The following TMEM9B variants were observed in gnomAD, a reference collection of about 807,000 sequenced individuals.
The protein encoded by TMEM9B is TMEM9 domain family member B.
Under a neutral mutation model 23.5 loss-of-function variants are expected in TMEM9B, and 8 were observed. That is an observed-to-expected ratio of 0.34 (90% CI 0.20 to 0.61). TMEM9B has a LOEUF of 0.61. TMEM9B is among the 20% of genes least tolerant of loss of function. TMEM9B has a pLI of 0.78. For missense variants in TMEM9B, 197 were observed against 252.3 expected (o/e 0.78, Z 1.49); for synonymous variants, 106 against 96.3 (o/e 1.10, Z -0.59).
At chr11:8,964,105 T>G (rs1854137745) in intron 1 of TMEM9B, 104 bp downstream of exon 1, 4 of 1,160,116 alleles carry the variant, frequency 3.4e-6, no homozygotes, top group Non-Finnish European at 4.8e-6. Context: ...GCCAGGCGTA[T>G]GGCTGTCAGG....
intron 4 of TMEM9B, chr11:8,952,971 C>T (rs1853911325): frequency 1.6e-6 from 1 of 619,272 alleles, no homozygotes; most frequent in East Asian, 2.7e-5. Flanking sequence ...GAAAGCAAGG[C>T]CCTGTATAGC....
chr11:8,962,766 A>C (rs764871752), intron 1 of TMEM9B: 4 of 152,270 alleles, frequency 2.6e-5, no homozygotes, highest in African/African-American at 9.6e-5. Context: ...TCTTCCCAGG[A>C]AACTTTGCTT....
chr11:8,949,889 ATTT>A (rs11476286), intron 4 of TMEM9B, among the ~76,000 whole-genome samples: 2,912 of 137,374 alleles, frequency 0.021, 66 homozygotes, highest in East Asian at 0.088. Flanking sequence ...CATGAACTTA[ATTT>A]TTTTTTTTTT....
chr11:8,959,796 C>T (rs1012057616), intron 2 of TMEM9B, among the ~76,000 whole-genome samples: 2 of 152,116 alleles, frequency 1.3e-5, no homozygotes, highest in African/African-American at 4.8e-5. Context: ...TTTAAATCAC[C>T]CCAAACACAA....
intron 2 of TMEM9B, among the ~76,000 whole-genome samples, chr11:8,960,685 T>TC (rs1854061539): frequency 7.1e-6 from 1 of 140,704 alleles, no homozygotes; most frequent in African/African-American, 2.6e-5. Context: ...TTGAACATTC[T>TC]TTTTTTTTTT....
In TMEM9B at chr11:8,952,247, T is replaced by TACACAC. The variant is rs760980883; in HGVS notation, c.441+955_441+956insGTGTGT. Among the ~76,000 whole-genome samples the TACACAC allele has an allele frequency of 0.015, 567 of 38,976 alleles. 7 individuals carry two copies. In the East Asian group the frequency reaches 0.22, roughly 15 times the overall value. 25.6% of individuals were successfully genotyped at this position (38,976 alleles called of 152,430 possible). The stretch of plus-strand genomic sequence containing the variant: ...CAATTTATACAGATTATGCCAACTA[T>TACACAC]ATACACACACACACACACACACACA... On this transcript the variant is annotated intron_variant, in intron 4 of 4. Transcript: ENST00000534025.
intron 2 of TMEM9B, among the ~76,000 whole-genome samples, chr11:8,960,750 C>T (rs1183304918): frequency 3.3e-5 from 5 of 151,140 alleles, no homozygotes; most frequent in African/African-American, 4.9e-5. Flanking sequence ...GGCGCGATCT[C>T]GGCTCACTGC....
chr11:8,951,065 A>G (rs984819282), intron 4 of TMEM9B, among the ~76,000 whole-genome samples: 2 of 152,232 alleles, frequency 1.3e-5, no homozygotes, highest in Admixed American at 1.3e-4. Context: ...CAAATAGTCA[A>G]TACACAAGCA....
chr11:8,948,647 C>T (rs1853820803), intron 4 of TMEM9B, among the ~76,000 whole-genome samples, 172 bp from the exon 5 acceptor site: 1 of 152,110 alleles, frequency 6.6e-6, no homozygotes, highest in South Asian at 2.1e-4. Flanking sequence ...AGTATGAACT[C>T]AAGTACAGAC....
chr11:8,961,490 C>G (rs1193970090), intron 2 of TMEM9B, among the ~76,000 whole-genome samples: 1 of 152,238 alleles, frequency 6.6e-6, no homozygotes, highest in Non-Finnish European at 1.5e-5. Context: ...CTGGGATAAG[C>G]AGAGAAGGCT....
intron 2 of TMEM9B, among the ~76,000 whole-genome samples, chr11:8,959,612 A>G (rs900223812): frequency 4.6e-5 from 7 of 152,356 alleles, no homozygotes; most frequent in Non-Finnish European, 8.8e-5. Context: ...ATATATTTTA[A>G]TAACAAAAAG....
intron 2 of TMEM9B, among the ~76,000 whole-genome samples, chr11:8,960,695 T>G (rs1437120728): frequency 6.6e-6 from 1 of 152,022 alleles, no homozygotes; most frequent in East Asian, 1.9e-4. Context: ...TTTTTTTTTT[T>G]TTTTGAGCTA....
At position 8,952,931 on chromosome 11, in the gene TMEM9B, G is replaced by A. The variant is rs1370558033; in HGVS notation, c.441+272C>T. 8.7e-6 allele frequency: 5 copies of A among 577,058 alleles called. No homozygotes were observed. The East Asian group carries it at 1.1e-4, about 13-fold the overall frequency. The allele number at this position is 577,058 out of a possible 1,614,324, so 35.7% of individuals were successfully genotyped here. ...TGATACTTTTCTCAATGTAAACAGG[G>A]AATGGCAATAAAATTGTGCCTTTGG... On this transcript the variant is annotated intron_variant, in intron 4 of 4. Transcript: ENST00000534025.
intron 3 of TMEM9B, among the ~76,000 whole-genome samples, chr11:8,954,534 C>T (rs1023657603): frequency 2.6e-5 from 4 of 152,060 alleles, no homozygotes; most frequent in African/African-American, 4.8e-5. Flanking sequence ...AGTGATCCAC[C>T]CGCCTCGGAC....
rs1362534452 is a variant in TMEM9B, at chr11:8,947,368, G to A, written c.*952C>T. 1.3e-5 allele frequency: 2 copies of A among 152,570 alleles called. No homozygotes were observed. Among genetic ancestry groups the A allele is most frequent in the Admixed American group, 6.5e-5 (1 of 15,274 alleles). The allele number at this position is 152,570 out of a possible 1,614,324, so 9.5% of individuals were successfully genotyped here. On this transcript the variant is annotated 3_prime_UTR_variant, in exon 5 of 5. Transcript: ENST00000534025. The stretch of plus-strand genomic sequence containing the variant: ...AGAAAAAAGCCAGTTATCCAATAAT[G>A]GTTAGACCTTTCAGAAGAGGCACCC...
chr11:8,958,451 ACT>A (rs1019869636), intron 2 of TMEM9B, among the ~76,000 whole-genome samples: 5 of 150,760 alleles, frequency 3.3e-5, no homozygotes, highest in Admixed American at 6.6e-5. Flanking sequence ...ACAGAGTGAG[ACT>A]CTGTCTCAAA....
At chr11:8,955,368 T>G (rs1268938551) in intron 3 of TMEM9B, among the ~76,000 whole-genome samples, 2 of 152,078 alleles carry the variant, frequency 1.3e-5, no homozygotes, top group African/African-American at 4.8e-5. Context: ...TTCTAGCACA[T>G]TACATTTATT....
rs995291773 is a variant in TMEM9B at position 8,948,259 on chromosome 11, C to G, written c.*61G>C. On this transcript the variant is annotated 3_prime_UTR_variant, in exon 5 of 5. Transcript: ENST00000534025. ...TATTAAAATGAAACCCAGCAAAACC[C>G]AGTCAGTTCTTTCCAGTTGTCTGCC... is the stretch of plus-strand genomic sequence containing the variant. The G allele has an allele frequency of 9.8e-5, 151 of 1,541,380 alleles. No homozygotes were observed. Among genetic ancestry groups the G allele is most frequent in the Middle Eastern group, 1.8e-4 (1 of 5,570 alleles).
chr11:8,949,713 C>T (rs375596640), intron 4 of TMEM9B, among the ~76,000 whole-genome samples: 7 of 152,250 alleles, frequency 4.6e-5, no homozygotes, highest in African/African-American at 1.7e-4. Flanking sequence ...TGAAAGATAT[C>T]AAAGAGTTTT....
Sources: gnomAD v4.1 joint callset for allele counts (sites outside exome capture counted in the v4.1 genomes callset) on GRCh38, gnomAD v4.1.1 for gene constraint, MANE v1.5 for transcripts, NCBI Gene and HGNC (gene_info 2026-07-23, HGNC 2026-07-21) for gene names.